The following NTN1 variants were observed in gnomAD, a reference collection of about 807,000 sequenced individuals.
NTN1 encodes the protein netrin-1.
NTN1 carries 11 observed loss-of-function variants against 54.2 expected under a neutral mutation model. The ratio of observed to expected loss-of-function variants is 0.20; its 90% CI spans 0.13 to 0.34. The LOEUF is 0.34. Among genes scored for constraint, NTN1 ranks in the 10% least tolerant of loss-of-function variants. The pLI is 1.00. For missense variants in NTN1, 740 were observed against 893.1 expected (o/e 0.83, Z 2.18); for synonymous variants, 371 against 382.0 (o/e 0.97, Z 0.33).
In NTN1 at chr17:9,023,250, C is replaced by A. The variant is rs2151506803; in HGVS notation, c.877C>A (p.Arg293Ser). Reference sequence around the variant, plus strand: ...GTGCAAGTGCAACGGCCACGCGGCCCGCTGCGTGCGCGACCGCGACGACAG... The same window carrying A: ...GTGCAAGTGCAACGGCCACGCGGCCAGCTGCGTGCGCGACCGCGACGACAG... ...GRCKCNGHAA[R>S]CVRDRDDSLV... Residue 293 changes from arginine (R) to serine (S), a missense_variant, in exon 2 of 7, where the codon CGC (arginine) becomes AGC (serine). Transcript: ENST00000173229. The A allele has an allele frequency of 6.4e-7, 1 of 1,564,658 alleles. No individual in the cohort carries two copies. The highest frequency in any genetic ancestry group is 8.7e-7 in the Non-Finnish European group (1 of 1,155,622).
At chr17:9,012,536 C>CAAAAAAAAAAAAAAAAA in the NTN1 span, among the ~76,000 whole-genome samples, 1 of 132,810 alleles carries the variant, frequency 7.5e-6, no homozygotes, top group African/African-American at 2.8e-5. Flanking sequence ...AAAAACAAAA[C>CAAAAAAAAAAAAAAAAA]AAAAAAAAAA....
At chr17:9,131,894 C>T (rs1452794480) in intron 2 of NTN1, among the ~76,000 whole-genome samples, 1 of 152,066 alleles carries the variant, frequency 6.6e-6, no homozygotes, top group Non-Finnish European at 1.5e-5. Flanking sequence ...ACCTCTGCCT[C>T]CTAGGTTCAA....
chr17:9,032,678 G>C (rs925203659), intron 2 of NTN1, among the ~76,000 whole-genome samples: 4 of 152,208 alleles, frequency 2.6e-5, no homozygotes, highest in Non-Finnish European at 5.9e-5. Context: ...CATCTGAAAC[G>C]TGAAAGTACC....
chr17:9,170,136 C>T (rs1451825233), intron 3 of NTN1, among the ~76,000 whole-genome samples: 1 of 152,086 alleles, frequency 6.6e-6, no homozygotes, highest in Non-Finnish European at 1.5e-5. Flanking sequence ...TTATTCAGAC[C>T]ACAGTTCAGG....
the NTN1 span, among the ~76,000 whole-genome samples, chr17:9,014,241 G>A: frequency 6.6e-6 from 1 of 152,220 alleles, no homozygotes; most frequent in Admixed American, 6.5e-5. Flanking sequence ...GATTCCCTGA[G>A]TAATCCTCCA....
chr17:9,091,803 A>G (rs116384585), intron 2 of NTN1, among the ~76,000 whole-genome samples: 1,707 of 152,074 alleles, frequency 0.011, 36 homozygotes, highest in African/African-American at 0.039. Flanking sequence ...TACATTCACC[A>G]TCATCACCAT....
chr17:9,223,797 C>T (rs1905445754), intron 6 of NTN1, among the ~76,000 whole-genome samples: 2 of 152,092 alleles, frequency 1.3e-5, no homozygotes, highest in Admixed American at 1.3e-4. Flanking sequence ...AGCGGTGGGC[C>T]CAGAGGAGTT....
At chr17:9,074,867 T>C (rs2092044077) in intron 2 of NTN1, among the ~76,000 whole-genome samples, 1 of 152,292 alleles carries the variant, frequency 6.6e-6, no homozygotes, top group Admixed American at 6.5e-5. Flanking sequence ...AAGGCAAGTC[T>C]CAGGAATGTG....
intron 2 of NTN1, among the ~76,000 whole-genome samples, chr17:9,070,007 C>T (rs187060269): frequency 1.4e-4 from 21 of 152,254 alleles, no homozygotes; most frequent in African/African-American, 4.6e-4. Flanking sequence ...TTCCCCAGCA[C>T]GTGGCTGGGG....
At chr17:9,191,090 A>G (rs1369673218) in intron 5 of NTN1, among the ~76,000 whole-genome samples, 1 of 152,262 alleles carries the variant, frequency 6.6e-6, no homozygotes, top group Non-Finnish European at 1.5e-5. Flanking sequence ...TATGAATATC[A>G]ATGTAATATT....
chr17:9,076,908 A>G (rs9915110), intron 2 of NTN1, among the ~76,000 whole-genome samples: 8,275 of 152,188 alleles, frequency 0.054, 627 homozygotes, highest in African/African-American at 0.17. Context: ...CTGGCTCCAC[A>G]CTGTCAGAGG....
At chr17:9,222,185 GC>G (rs112281223) in intron 6 of NTN1, among the ~76,000 whole-genome samples, 59 of 152,300 alleles carry the variant, frequency 3.9e-4, no homozygotes, top group African/African-American at 1.3e-3. Context: ...CCTGGGGCTG[GC>G]CCCCCAATTC....
At chr17:9,097,055 C>T (rs2092134373) in intron 2 of NTN1, among the ~76,000 whole-genome samples, 1 of 152,170 alleles carries the variant, frequency 6.6e-6, no homozygotes, top group African/African-American at 2.4e-5. Context: ...TGAGACTTTC[C>T]TTGTTTCTCT....
At chr17:9,182,850 CA>C in intron 4 of NTN1, 65 bp from the exon 5 acceptor site, 14 of 1,551,854 alleles carry the variant, frequency 9.0e-6, no homozygotes, top group Non-Finnish European at 1.2e-5. Flanking sequence ...ATTCTAAAGT[CA>C]AAAAATCATG....
intron 2 of NTN1, among the ~76,000 whole-genome samples, chr17:9,107,028 T>G (rs2092169847): frequency 6.6e-6 from 1 of 152,140 alleles, no homozygotes; most frequent in South Asian, 2.1e-4. Context: ...TGGTCCCTCA[T>G]CTAGATAAAA....
At chr17:9,183,554 G>T in intron 5 of NTN1, 1 of 326,044 alleles carries the variant, frequency 3.1e-6, no homozygotes, top group East Asian at 1.0e-4. Context: ...TCTAGCTGGT[G>T]CAGATATCAT....
chr17:9,081,159 A>C (rs2092069611), intron 2 of NTN1, among the ~76,000 whole-genome samples: 1 of 152,168 alleles, frequency 6.6e-6, no homozygotes. Flanking sequence ...CCAGATACAT[A>C]GTGTCAGAAT....
intron 2 of NTN1, among the ~76,000 whole-genome samples, chr17:9,085,947 A>G (rs1008764107): frequency 1.3e-5 from 2 of 152,086 alleles, no homozygotes; most frequent in African/African-American, 2.4e-5. Context: ...CTGCTACTAC[A>G]CATGGGATTT....
At position 9,022,985 on chromosome 17, in the gene NTN1, C is replaced by G; in HGVS notation, c.612C>G (p.Thr204=). 6.2e-7 allele frequency: 1 copy of G among 1,610,246 alleles called. No homozygotes were observed. The highest frequency in any genetic ancestry group is 2.2e-5 in the East Asian group (1 of 44,636). Residue 204 remains threonine, a synonymous_variant, in exon 2 of 7, where the codon ACC becomes ACG. Coordinates refer to ENST00000173229, the MANE Select transcript of NTN1 (RefSeq NM_004822.3). The part of the protein sequence containing the change: ...TKQNEQEAVC[T]DSHTDMRPLS... ...AGAACGAGCAGGAGGCCGTGTGCAC[C>G]GACTCGCACACCGACATGCGCCCGC...
Sources: gnomAD v4.1 joint callset for allele counts (sites outside exome capture counted in the v4.1 genomes callset) on GRCh38, gnomAD v4.1.1 for gene constraint, MANE v1.5 for transcripts, NCBI Gene and HGNC (gene_info 2026-07-23, HGNC 2026-07-21) for gene names.